Variants in BOLL observed in about 807,000 individuals in gnomAD.
BOLL encodes boule RNA binding protein.
A neutral mutation model predicts 44.4 loss-of-function variants in BOLL; 23 were observed. The observed-to-expected ratio is 0.52, with a 90% CI of 0.37 to 0.73. BOLL has a LOEUF of 0.73. Among genes scored for constraint, BOLL ranks in the 30% least tolerant of loss-of-function variants. The probability of loss-of-function intolerance (pLI) is 0.00; values close to 1 mark genes in which losing one functional copy is unlikely to be tolerated. For missense variants in BOLL, 287 were observed against 338.3 expected (o/e 0.85, Z 1.19); for synonymous variants, 97 against 110.8 (o/e 0.88, Z 0.78).
intron 7 of BOLL, among the ~76,000 whole-genome samples, chr2:197,766,116 T>C (rs1393297926): frequency 2.0e-5 from 3 of 152,176 alleles, no homozygotes; most frequent in African/African-American, 4.8e-5. Context: ...TCCATGTCTT[T>C]GCTATTGTGA....
chr2:197,728,812 T>C (rs1294329761), intron 10 of BOLL, among the ~76,000 whole-genome samples: 1 of 152,130 alleles, frequency 6.6e-6, no homozygotes, highest in Admixed American at 6.5e-5. Flanking sequence ...TCTAGTCTAG[T>C]GTTACAGTAT....
chr2:197,775,241 A>G (rs1689455460), intron 5 of BOLL, among the ~76,000 whole-genome samples: 2 of 151,880 alleles, frequency 1.3e-5, no homozygotes, highest in Non-Finnish European at 2.9e-5. Flanking sequence ...GTTACAGTAC[A>G]CAGCATGCAG....
chr2:197,728,926 A>G (rs965761952), intron 10 of BOLL, among the ~76,000 whole-genome samples: 2 of 152,334 alleles, frequency 1.3e-5, no homozygotes, highest in African/African-American at 4.8e-5. Context: ...AAAGGGGAAT[A>G]GTATTTTTGG....
chr2:197,745,282 G>A (rs1687941273), intron 9 of BOLL, among the ~76,000 whole-genome samples: 1 of 151,738 alleles, frequency 6.6e-6, no homozygotes, highest in Non-Finnish European at 1.5e-5. Context: ...CACAAGAAAA[G>A]TCGTGAAGTT....
intron 9 of BOLL, among the ~76,000 whole-genome samples, chr2:197,754,971 T>C (rs1688441951): frequency 6.6e-6 from 1 of 152,138 alleles, no homozygotes; most frequent in Admixed American, 6.6e-5. Context: ...ACCTATAGAA[T>C]GGGAGAAAAT....
At chr2:197,736,865 C>A (rs755989394) in intron 10 of BOLL, among the ~76,000 whole-genome samples, 1 of 151,872 alleles carries the variant, frequency 6.6e-6, no homozygotes, top group Admixed American at 6.6e-5. Context: ...TTTGGTTGGA[C>A]CTGTCTCTCT....
chr2:197,751,343 A>T (rs1688242740), intron 9 of BOLL, among the ~76,000 whole-genome samples: 1 of 152,154 alleles, frequency 6.6e-6, no homozygotes. Flanking sequence ...CTTCAAAAAA[A>T]ATCAATGAAT....
chr2:197,772,600 T>G (rs1432726124), intron 5 of BOLL, among the ~76,000 whole-genome samples: 1 of 152,016 alleles, frequency 6.6e-6, no homozygotes, highest in Non-Finnish European at 1.5e-5. Context: ...ACTGCTGCTG[T>G]TGCAAACATG....
chr2:197,742,705 C>T (rs1687807905), intron 10 of BOLL, among the ~76,000 whole-genome samples: 1 of 151,944 alleles, frequency 6.6e-6, no homozygotes, highest in Non-Finnish European at 1.5e-5. Flanking sequence ...AGGAGATATG[C>T]CTAATGCTAA....
intron 10 of BOLL, among the ~76,000 whole-genome samples, chr2:197,731,737 G>A (rs1280987248): frequency 6.6e-6 from 1 of 151,724 alleles, no homozygotes; most frequent in Non-Finnish European, 1.5e-5. Context: ...CAAAATGAAG[G>A]CAGAAATAAA....
At chr2:197,729,269 C>T (rs1029198874) in intron 10 of BOLL, among the ~76,000 whole-genome samples, 7 of 152,218 alleles carry the variant, frequency 4.6e-5, no homozygotes, top group South Asian at 4.1e-4. Context: ...GCTTAAAAAA[C>T]GGCGCACCAC....
Position 197,775,650 on chromosome 2 carries a change from G to A in BOLL, c.352+15C>T. The A allele has an allele frequency of 6.8e-7, 1 of 1,471,390 alleles. No homozygotes were observed. The highest frequency in any genetic ancestry group is 9.2e-7 in the Non-Finnish European group (1 of 1,082,084). 91.1% of individuals were successfully genotyped at this position (1,471,390 alleles called of 1,614,324 possible). A position where few individuals can be genotyped will look rare whatever the true frequency, so the allele number is the denominator to read the frequency against. On this transcript the variant is annotated intron_variant, in intron 5 of 10. Transcript: ENST00000392296. Reference sequence around the variant, plus strand: ...TGCAAAAATATTTAAAAATACATTAGTTCTCAATACATACGAGGGATCCCT... The same window carrying A: ...TGCAAAAATATTTAAAAATACATTAATTCTCAATACATACGAGGGATCCCT...
rs1686882673 is a variant in BOLL at position 197,727,116 on chromosome 2, T to A, written c.*1439A>T. On this transcript the variant is annotated 3_prime_UTR_variant, in exon 11 of 11. Transcript: ENST00000392296. ...TTCCTAAAACTGAGAATAATTAATG[T>A]ATTTGAGATCCTTGTATGCTAGTAT... is the stretch of plus-strand genomic sequence containing the variant. 1 of 152,400 alleles carries A rather than the reference T, an allele frequency of 6.6e-6. No individual in the cohort carries two copies. The highest frequency in any genetic ancestry group is 6.5e-5 in the Admixed American group (1 of 15,280). The allele number at this position is 152,400 out of a possible 1,614,324, so 9.4% of individuals were successfully genotyped here. A position where few individuals can be genotyped will look rare whatever the true frequency, so the allele number is the denominator to read the frequency against.
intron 10 of BOLL, among the ~76,000 whole-genome samples, chr2:197,733,514 A>C (rs1225493398): frequency 2.6e-5 from 4 of 151,756 alleles, no homozygotes; most frequent in Admixed American, 2.6e-4. Flanking sequence ...GTCAATCCTA[A>C]GCCAAAAGAA....
At chr2:197,742,704 G>A (rs1293070767) in intron 10 of BOLL, among the ~76,000 whole-genome samples, 1 of 151,940 alleles carries the variant, frequency 6.6e-6, no homozygotes, top group Non-Finnish European at 1.5e-5. Context: ...TAGGAGATAT[G>A]CCTAATGCTA....
upstream of BOLL, chr2:197,785,969 A>T: frequency 6.3e-7 from 1 of 1,597,386 alleles, no homozygotes; most frequent in Middle Eastern, 1.7e-4. The surrounding 1 kb of genome is among the most constrained non-coding windows in gnomAD (Gnocchi z 6.7). Context: ...TGGGGCCCTG[A>T]TCGCCGTACT....
chr2:197,741,329 T>G (rs368433160), intron 10 of BOLL, among the ~76,000 whole-genome samples: 6 of 152,260 alleles, frequency 3.9e-5, no homozygotes, highest in African/African-American at 1.4e-4. Context: ...GTACATTGAT[T>G]TTGTATCCTG....
At chr2:197,743,676 T>A (rs1379881662) in intron 9 of BOLL, among the ~76,000 whole-genome samples, 1 of 152,216 alleles carries the variant, frequency 6.6e-6, no homozygotes, top group African/African-American at 2.4e-5. Flanking sequence ...TTATTTAAAA[T>A]TTTCCCATTG....
chr2:197,753,597 C>T (rs546726834), intron 9 of BOLL, among the ~76,000 whole-genome samples: 141 of 152,240 alleles, frequency 9.3e-4, no homozygotes, highest in African/African-American at 3.2e-3. Flanking sequence ...TACCATCTCA[C>T]GCCAGTTAGA....
Sources: gnomAD v4.1 joint callset for allele counts (sites outside exome capture counted in the v4.1 genomes callset) on GRCh38, gnomAD v4.1.1 for gene constraint, Gnocchi (gnomAD v3.1) non-coding constraint, MANE v1.5 for transcripts, NCBI Gene and HGNC (gene_info 2026-07-23, HGNC 2026-07-21) for gene names.